Variants in CCDC3 observed in about 807,000 individuals in gnomAD.
CCDC3 encodes the protein coiled-coil domain containing 3.
Under a neutral mutation model 21.4 loss-of-function variants are expected in CCDC3, and 24 were observed. The ratio of observed to expected loss-of-function variants is 1.12; its 90% CI spans 0.81 to 1.58. The LOEUF (loss-of-function observed/expected upper bound fraction) is 1.58, where lower values mean the gene tolerates loss of function less well. CCDC3 is among the 40% of genes most tolerant of loss of function. The pLI is 0.00. For missense variants in CCDC3, 425 were observed against 360.9 expected (o/e 1.18, Z -1.44); for synonymous variants, 186 against 166.0 (o/e 1.12, Z -0.93).
intron 5 of CCDC3, among the ~76,000 whole-genome samples, chr10:13,027,261 A>T (rs1037950581): frequency 6.6e-6 from 1 of 152,108 alleles, no homozygotes; most frequent in African/African-American, 2.4e-5. Context: ...GTTTCTCAGA[A>T]CCCAAAGCAC....
At chr10:12,923,801 C>A (rs989045599) in intron 2 of CCDC3, among the ~76,000 whole-genome samples, 1 of 152,334 alleles carries the variant, frequency 6.6e-6, no homozygotes, top group East Asian at 1.9e-4. Flanking sequence ...ATCACTTACA[C>A]TTTACAAGTC....
At chr10:12,939,959 G>T (rs756160778) in intron 2 of CCDC3, among the ~76,000 whole-genome samples, 2 of 152,142 alleles carry the variant, frequency 1.3e-5, no homozygotes, top group African/African-American at 2.4e-5. Flanking sequence ...TTCAAAGGTC[G>T]GAGGCCTTTA....
chr10:12,909,137 A>G (rs1834223877), intron 2 of CCDC3, among the ~76,000 whole-genome samples: 1 of 152,086 alleles, frequency 6.6e-6, no homozygotes, highest in Non-Finnish European at 1.5e-5. Flanking sequence ...TGTTTAGTCA[A>G]AGCCTCCTTG....
intron 2 of CCDC3, among the ~76,000 whole-genome samples, chr10:12,943,721 A>G (rs1308095559): frequency 6.6e-6 from 1 of 152,154 alleles, no homozygotes; most frequent in African/African-American, 2.4e-5. Context: ...CCCTATGTAA[A>G]TCAGACACCG....
intron 2 of CCDC3, among the ~76,000 whole-genome samples, chr10:12,923,601 T>C (rs151319726): frequency 2.0e-5 from 3 of 152,254 alleles, no homozygotes; most frequent in South Asian, 4.2e-4. Context: ...GAAGCAATGA[T>C]GTGATATTTT....
intron 2 of CCDC3, among the ~76,000 whole-genome samples, chr10:12,946,045 A>C (rs796928371): frequency 7.0e-4 from 106 of 152,328 alleles, no homozygotes; most frequent in African/African-American, 2.5e-3. Flanking sequence ...TCCTCCTGAT[A>C]CGTCATCATA....
At chr10:13,053,117 C>A (rs1001404316) in intron 4 of CCDC3, among the ~76,000 whole-genome samples, 1 of 152,096 alleles carries the variant, frequency 6.6e-6, no homozygotes, top group Non-Finnish European at 1.5e-5. Flanking sequence ...TTTTTCCTCT[C>A]CAACCTCAGA....
intron 2 of CCDC3, among the ~76,000 whole-genome samples, chr10:12,940,685 G>A (rs965158857): frequency 1.3e-5 from 2 of 151,982 alleles, no homozygotes; most frequent in African/African-American, 2.4e-5. Context: ...TCAATCATAC[G>A]TAAGAGGTAG....
chr10:12,976,810 T>C (rs1365921556), intron 2 of CCDC3, among the ~76,000 whole-genome samples: 2 of 125,302 alleles, frequency 1.6e-5, no homozygotes, highest in East Asian at 4.4e-4. Context: ...TCTACACCCA[T>C]AGAATGTACA....
chr10:13,016,447 C>T (rs1016682061), intron 5 of CCDC3, among the ~76,000 whole-genome samples: 2 of 151,954 alleles, frequency 1.3e-5, no homozygotes, highest in Non-Finnish European at 2.9e-5. Context: ...GACATTCTTC[C>T]TATGATATCA....
chr10:13,045,516 G>A (rs138135474), intron 5 of CCDC3, among the ~76,000 whole-genome samples: 20 of 152,166 alleles, frequency 1.3e-4, no homozygotes, highest in African/African-American at 4.8e-4. Context: ...TACTCAAGAG[G>A]CTGAGGCAGG....
chr10:12,914,311 G>C (rs1218500047), intron 2 of CCDC3, among the ~76,000 whole-genome samples: 1 of 152,122 alleles, frequency 6.6e-6, no homozygotes, highest in Non-Finnish European at 1.5e-5. Flanking sequence ...ATAGTAGGTT[G>C]TATGTGTCTA....
chr10:13,067,756 G>A (rs1262684656), intron 4 of CCDC3, among the ~76,000 whole-genome samples: 2 of 152,180 alleles, frequency 1.3e-5, no homozygotes, highest in Non-Finnish European at 2.9e-5. Context: ...CTTTCTCTGA[G>A]CACCTGGGAC....
At chr10:13,007,629 G>T (rs1302214014) in intron 5 of CCDC3, among the ~76,000 whole-genome samples, 1 of 152,106 alleles carries the variant, frequency 6.6e-6, no homozygotes, top group Non-Finnish European at 1.5e-5. Flanking sequence ...GACTACAATT[G>T]CCTTATAAAA....
intron 2 of CCDC3, chr10:13,098,710 A>ATTTGTTTTTTTT (rs1832666801): frequency 1.5e-5 from 1 of 64,854 alleles, no homozygotes; most frequent in African/African-American, 6.6e-5. Context: ...TCCTGCACTG[A>ATTTGTTTTTTTT]TTTTTTTTTT....
intron 5 of CCDC3, among the ~76,000 whole-genome samples, chr10:13,021,078 T>C (rs1836139385): frequency 2.0e-5 from 3 of 152,224 alleles, no homozygotes; most frequent in Admixed American, 1.3e-4. Context: ...GTATTTATTT[T>C]GTGTGTTCAA....
chr10:13,007,420 G>A (rs752668965), intron 5 of CCDC3, among the ~76,000 whole-genome samples: 5 of 152,064 alleles, frequency 3.3e-5, no homozygotes, highest in Non-Finnish European at 2.9e-5. Context: ...ACTCTCAAAC[G>A]CATCAAAACA....
intron 2 of CCDC3, among the ~76,000 whole-genome samples, chr10:12,982,160 C>A (rs1007472264): frequency 1.4e-5 from 2 of 142,348 alleles, no homozygotes; most frequent in Non-Finnish European, 3.0e-5. Context: ...AAGTGAGCTA[C>A]CACCAATCAA....
intron 3 of CCDC3, among the ~76,000 whole-genome samples, chr10:13,078,487 T>C (rs1221525343): frequency 1.3e-5 from 2 of 152,250 alleles, no homozygotes; most frequent in Non-Finnish European, 2.9e-5. Context: ...AAATACCATT[T>C]AACCAAGCAA....
Sources: allele counts gnomAD v4.1 joint callset (sites outside exome capture counted in the v4.1 genomes callset), GRCh38; gene constraint gnomAD v4.1.1; transcripts MANE v1.5; gene names NCBI Gene and HGNC (gene_info 2026-07-23, HGNC 2026-07-21).